The following GPI variants were observed in gnomAD, a reference collection of about 807,000 sequenced individuals.
GPI encodes the protein D-hexose-6-phosphate anomerase.
Under a neutral mutation model 75.8 loss-of-function variants are expected in GPI, and 56 were observed. The observed-to-expected ratio is 0.74, with a 90% CI of 0.60 to 0.92. The LOEUF is 0.92. Among genes scored for constraint, GPI ranks in the 40% least tolerant of loss-of-function variants. The pLI is 0.00. For synonymous variants in GPI, 288 were observed against 285.4 expected, an observed-to-expected ratio of 1.01 and a Z score of -0.09; for missense variants, 638 against 741.0, an observed-to-expected ratio of 0.86 and a Z score of 1.61.
intron 4 of GPI, among the ~76,000 whole-genome samples, chr19:34,373,752 G>T (rs973931860): frequency 6.6e-6 from 1 of 152,104 alleles, no homozygotes; most frequent in South Asian, 2.1e-4. Context: ...TCAAGATGTT[G>T]GCTAAGGATG....
intron 9 of GPI, among the ~76,000 whole-genome samples, chr19:34,388,540 G>A (rs1228384952): frequency 6.6e-6 from 1 of 152,160 alleles, no homozygotes; most frequent in Non-Finnish European, 1.5e-5. Context: ...GGTGAGATCT[G>A]GGGCACTGGG....
At chr19:34,384,797 A>C (rs1135465) in intron 9 of GPI, among the ~76,000 whole-genome samples, 49,966 of 152,038 alleles carry the variant, frequency 0.33, 11,569 homozygotes, top group African/African-American at 0.65. Context: ...AATCCCAGCA[A>C]TTTGGAAGGC....
rs766877580 is a variant in GPI at position 34,381,507 on chromosome 19, C to G, written c.792C>G (p.Phe264Leu). Residue 264 changes from phenylalanine to leucine, a missense_variant, in exon 9 of 18, where the codon TTC becomes TTG. Physicochemically the swap from Phe to Leu is conservative, Grantham distance 22 (BLOSUM62 0). Coordinates refer to ENST00000356487, the MANE Select transcript of GPI (RefSeq NM_000175.5). ...TTGGAATTGACCCTCAAAACATGTT[C>G]GAGTTCTGGGATGTAAGTACAAGCA... Reference protein sequence around the residue: ...KEFGIDPQNMFEFWDWVGGRY... With the variant: ...KEFGIDPQNMLEFWDWVGGRY... The G allele has an allele frequency of 5.6e-6, 9 of 1,605,506 alleles. No homozygotes were observed. Among genetic ancestry groups the G allele is most frequent in the Middle Eastern group, 1.6e-4 (1 of 6,066 alleles).
At chr19:34,391,952 G>T in intron 9 of GPI, among the ~76,000 whole-genome samples, 1 of 422 alleles carries the variant, frequency 2.4e-3, no homozygotes. Flanking sequence ...GGTAAGATCT[G>T]GCATGAGTAT....
chr19:34,367,117 C>A, intron 3 of GPI: 1 of 606,896 alleles, frequency 1.6e-6, no homozygotes, highest in Admixed American at 2.7e-5. Flanking sequence ...TTTCTCAAGG[C>A]TGACATTTTC....
At chr19:34,385,218 A>ACCACAC (rs2074715590) in intron 9 of GPI, among the ~76,000 whole-genome samples, 1 of 151,842 alleles carries the variant, frequency 6.6e-6, no homozygotes, top group South Asian at 2.1e-4. Context: ...GTGTGGTGGC[A>ACCACAC]CACGCCTGTA....
intron 9 of GPI, among the ~76,000 whole-genome samples, chr19:34,382,432 C>G (rs930123653): frequency 6.6e-6 from 1 of 152,146 alleles, no homozygotes; most frequent in Admixed American, 6.5e-5. Flanking sequence ...TTAAGCCATC[C>G]ACTGTGTATA....
Position 34,389,789 on chromosome 19 carries a change from A to G in GPI, c.805-3459A>G, listed in dbSNP as rs558911987. On this transcript the variant is annotated intron_variant, in intron 9 of 17. Coordinates refer to ENST00000356487, the MANE Select transcript of GPI (RefSeq NM_000175.5). ...TAAGTGGCCTCAGCACCATGTTCCA[A>G]TTTCTCCTCAGCACTTGTTTCTCAG... 3.9e-5 allele frequency among the ~76,000 whole-genome samples: 6 copies of G among 152,112 alleles called. No homozygotes were observed. The East Asian group carries it at 9.7e-4, about 24-fold the overall frequency.
At chr19:34,366,908 G>T in intron 3 of GPI, 57 bp downstream of exon 3, 2 of 1,251,512 alleles carry the variant, frequency 1.6e-6, no homozygotes, top group South Asian at 1.2e-5. Context: ...GGGTTTATCT[G>T]ACTGTTAGCC....
Position 34,368,622 on chromosome 19 carries a change from AAC to A in GPI, c.327_328del (p.Pro110HisfsTer30). 1 of 1,614,150 alleles carries A rather than the reference AAC, an allele frequency of 6.2e-7. No homozygotes were observed. Among genetic ancestry groups the A allele is most frequent in the Non-Finnish European group, 8.5e-7 (1 of 1,179,992 alleles). ...GCACGTGGCTCTGCGGAACCGGTCA[AAC>A]ACACCCATCCTGGTAGACGGCAAGG... ...VLHVALRNRS[N>X]TPILVDGKDV... On this transcript the variant is annotated frameshift_variant, in exon 4 of 18. Transcript: ENST00000356487. LOFTEE classifies it high-confidence loss of function.
intron 9 of GPI, among the ~76,000 whole-genome samples, chr19:34,383,858 C>T (rs1028142927): frequency 6.6e-6 from 1 of 152,166 alleles, no homozygotes; most frequent in Non-Finnish European, 1.5e-5. Flanking sequence ...ACTGGGCTCT[C>T]ACCAGGCTCC....
intron 12 of GPI, 66 bp from the exon 13 acceptor site, chr19:34,396,235 G>A: frequency 6.3e-7 from 1 of 1,587,972 alleles, no homozygotes; most frequent in Non-Finnish European, 8.6e-7. Context: ...ACTGCGCTCA[G>A]CCTCTTTCTT....
Position 34,366,404 on chromosome 19 carries a change from C to T in GPI, c.182C>T (p.Thr61Met), listed in dbSNP as rs776925897. 27 of 1,613,110 alleles carry T rather than the reference C, an allele frequency of 1.7e-5. No homozygotes were observed. Among genetic ancestry groups the T allele is most frequent in the South Asian group, 3.3e-5 (3 of 91,064 alleles). Residue 61 changes from threonine (T) to methionine (M), a missense_variant, in exon 2 of 18, where the codon ACG becomes ATG. Thr to Met is a moderately conservative substitution (Grantham distance 81, BLOSUM62 -1). Coordinates refer to ENST00000356487, the MANE Select transcript of GPI (RefSeq NM_000175.5). ...ILVDYSKNLV[T>M]EDVMRMLVDL... ...GTGGATTACTCCAAGAACCTGGTGA[C>T]GGAGGACGTGATGCGGATGCTGGTG...
chr19:34,399,416 C>G, intron 15 of GPI, 81 bp downstream of exon 15: 3 of 1,594,384 alleles, frequency 1.9e-6, no homozygotes, highest in Non-Finnish European at 2.6e-6. Context: ...GGGCTTGGGG[C>G]GTGCCTGGCT....
chr19:34,372,459 T>C (rs1461006310), intron 4 of GPI, among the ~76,000 whole-genome samples: 1 of 152,040 alleles, frequency 6.6e-6, no homozygotes, highest in Non-Finnish European at 1.5e-5. Flanking sequence ...CTGGGCAACA[T>C]AACAAGACCC....
At chr19:34,376,812 C>A (rs147250968) in intron 4 of GPI, among the ~76,000 whole-genome samples, 6,192 of 152,120 alleles carry the variant, frequency 0.041, 190 homozygotes, top group Admixed American at 0.11. Context: ...CTTTGGGAGG[C>A]CGAGCTGGGC....
Position 34,365,772 on chromosome 19 carries a change from C to T in GPI, c.122+384C>T. The stretch of plus-strand genomic sequence containing the variant: ...GCTGTCCCTTTCCATCCGCTCCTGG[C>T]CACATGAGCTTGGGAGCGTCTGCAG... On this transcript the variant is annotated intron_variant, in intron 1 of 17. Coordinates refer to ENST00000356487, the MANE Select transcript of GPI (RefSeq NM_000175.5). 6.3e-6 allele frequency: 3 copies of T among 478,414 alleles called. 1 individual carries two copies. The highest frequency in any genetic ancestry group is 4.6e-5 in the South Asian group (3 of 64,714). 29.6% of individuals were successfully genotyped at this position (478,414 alleles called of 1,614,324 possible). A position where few individuals can be genotyped will look rare whatever the true frequency, so the allele number is the denominator to read the frequency against.
At chr19:34,379,837 T>C in intron 8 of GPI, 1 of 585,650 alleles carries the variant, frequency 1.7e-6, no homozygotes, top group Non-Finnish European at 3.1e-6. Context: ...GAACCCTTCA[T>C]ACACATGACC....
upstream of GPI, chr19:34,364,652 A>G (rs2074327074): frequency 3.4e-6 from 1 of 290,868 alleles, no homozygotes; most frequent in Non-Finnish European, 6.4e-6. Context: ...TGATGAGATT[A>G]CAGGCGTGAG....
Sources: gnomAD v4.1 joint callset for allele counts (sites outside exome capture counted in the v4.1 genomes callset) on GRCh38, gnomAD v4.1.1 for gene constraint, MANE v1.5 for transcripts, NCBI Gene and HGNC (gene_info 2026-07-23, HGNC 2026-07-21) for gene names.